The following NUP93 variants were observed in gnomAD, a reference collection of about 807,000 sequenced individuals.
The protein encoded by NUP93 is nuclear pore complex protein Nup93.
NUP93 carries 55 observed loss-of-function variants against 107.8 expected under a neutral mutation model. The ratio of observed to expected loss-of-function variants is 0.51; its 90% CI spans 0.41 to 0.64. The LOEUF (loss-of-function observed/expected upper bound fraction) is 0.64, where lower values mean the gene tolerates loss of function less well. Among genes scored for constraint, NUP93 ranks in the 30% least tolerant of loss-of-function variants. NUP93 has a pLI of 0.00. For synonymous variants in NUP93, 390 were observed against 397.5 expected, an observed-to-expected ratio of 0.98 and a Z score of 0.22; for missense variants, 937 against 1,044.7, an observed-to-expected ratio of 0.90 and a Z score of 1.42.
intron 1 of NUP93, among the ~76,000 whole-genome samples, chr16:56,736,908 C>A (rs1961623795): frequency 6.6e-6 from 1 of 152,182 alleles, no homozygotes; most frequent in Non-Finnish European, 1.5e-5. Context: ...ACAAGGGAAT[C>A]AAATGAAAAG....
At chr16:56,817,075 G>A (rs532525250) in intron 5 of NUP93, among the ~76,000 whole-genome samples, 1 of 152,278 alleles carries the variant, frequency 6.6e-6, no homozygotes, top group East Asian at 1.9e-4. Flanking sequence ...TGATCATTGT[G>A]CCAGCCAGCA....
chr16:56,734,869 T>G (rs796991200), intron 1 of NUP93, among the ~76,000 whole-genome samples: 4 of 152,334 alleles, frequency 2.6e-5, no homozygotes, highest in African/African-American at 9.6e-5. Context: ...GATGCTAGAA[T>G]ACGGCCTTCC....
chr16:56,842,555 C>CT (rs5817078), intron 21 of NUP93: 5,221 of 414,624 alleles, frequency 0.013, 3 homozygotes, highest in Non-Finnish European at 0.014. Flanking sequence ...ATGGTGTTTG[C>CT]TTTTTTTTTT....
chr16:56,759,445 TC>T (rs1190157004), intron 3 of NUP93, among the ~76,000 whole-genome samples: 1 of 152,194 alleles, frequency 6.6e-6, no homozygotes, highest in Non-Finnish European at 1.5e-5. Flanking sequence ...CTAGTAACCT[TC>T]CTAAGAACCA....
At chr16:56,840,107 A>G (rs761597227) in intron 20 of NUP93, among the ~76,000 whole-genome samples, 17 of 151,762 alleles carry the variant, frequency 1.1e-4, no homozygotes, top group Non-Finnish European at 2.5e-4. Flanking sequence ...TGCAAGCTCT[A>G]CCTCCCGGGT....
rs7184646 is a variant in NUP93, at chr16:56,835,902, G to T, written c.1783-699G>T. Among the ~76,000 whole-genome samples, 719 of 152,242 alleles carry T rather than the reference G, an allele frequency of 4.7e-3. 10 individuals carry two copies. The highest frequency in any genetic ancestry group is 0.016 in the African/African-American group (683 of 41,532). On this transcript the variant is annotated intron_variant, in intron 16 of 21. Coordinates refer to ENST00000308159, the MANE Select transcript of NUP93 (RefSeq NM_014669.5). The stretch of plus-strand genomic sequence containing the variant: ...CCAGCACTTTGGGAGGCCGAGGCGG[G>T]TGGATCATGAGGTCAGGAGATCGAG...
intron 10 of NUP93, among the ~76,000 whole-genome samples, chr16:56,831,229 CTCAT>C (rs1963779189): frequency 6.6e-6 from 1 of 152,168 alleles, no homozygotes; most frequent in Non-Finnish European, 1.5e-5. Flanking sequence ...TGGACTTAAG[CTCAT>C]ACTCAAACTG....
intron 3 of NUP93, among the ~76,000 whole-genome samples, chr16:56,791,697 C>T (rs907846716): frequency 6.6e-6 from 1 of 152,210 alleles, no homozygotes; most frequent in Non-Finnish European, 1.5e-5. Flanking sequence ...TGTGACTACA[C>T]GTTCCTTAGG....
At chr16:56,826,698 G>A (rs1376566026) in intron 8 of NUP93, among the ~76,000 whole-genome samples, 3 of 152,004 alleles carry the variant, frequency 2.0e-5, no homozygotes, top group African/African-American at 7.2e-5. Context: ...TTACCTTGTT[G>A]TATTTCTTTT....
At chr16:56,770,859 C>T (rs555800259) in intron 3 of NUP93, among the ~76,000 whole-genome samples, 2 of 151,426 alleles carry the variant, frequency 1.3e-5, no homozygotes, top group African/African-American at 2.4e-5. Flanking sequence ...GTGAGGAGAT[C>T]GAGACCATCC....
At chr16:56,832,211 C>A in intron 11 of NUP93, 84 bp from the exon 12 acceptor site, 1 of 1,292,090 alleles carries the variant, frequency 7.7e-7, no homozygotes, top group South Asian at 1.2e-5. Context: ...CATCATTGAG[C>A]ATGGCTGCTG....
intron 1 of NUP93, among the ~76,000 whole-genome samples, chr16:56,739,553 G>T (rs1961674755): frequency 1.7e-5 from 2 of 114,330 alleles, no homozygotes; most frequent in African/African-American, 3.5e-5. Context: ...CTCCCGGACG[G>T]GGCGGCTGGC....
Position 56,830,555 on chromosome 16 carries a change from T to C in NUP93, c.955T>C (p.Trp319Arg), listed in dbSNP as rs780427720. ...QDGEVEGHPV[W>R]ALIYYCMRCG... is the part of the protein sequence containing the mutation. The stretch of plus-strand genomic sequence containing the variant: ...TGGAGAGGTGGAAGGCCATCCTGTG[T>C]GGGCGCTAATTTACTACTGCATGCG... Residue 319 changes from tryptophan to arginine, a missense_variant, in exon 10 of 22, where the codon TGG becomes CGG. Transcript: ENST00000308159. 6 of 1,595,678 alleles carry C rather than the reference T, an allele frequency of 3.8e-6. No homozygotes were observed. The highest frequency in any genetic ancestry group is 5.1e-6 in the Non-Finnish European group (6 of 1,165,210).
chr16:56,835,922 A>G (rs1011207728), intron 16 of NUP93, among the ~76,000 whole-genome samples: 8 of 152,002 alleles, frequency 5.3e-5, no homozygotes, highest in Non-Finnish European at 1.0e-4. Context: ...AGGTCAGGAG[A>G]TCGAGACCAT....
intron 3 of NUP93, among the ~76,000 whole-genome samples, chr16:56,764,445 G>A (rs770766795): frequency 6.6e-6 from 1 of 152,116 alleles, no homozygotes; most frequent in Non-Finnish European, 1.5e-5. Flanking sequence ...AGCTGAGATG[G>A]CACCACAGCA....
intron 3 of NUP93, among the ~76,000 whole-genome samples, chr16:56,774,908 T>TG (rs1393858748): frequency 1.6e-4 from 25 of 151,770 alleles, no homozygotes; most frequent in South Asian, 6.2e-4. Context: ...TTTTTGTTTT[T>TG]TTTTTTTTTG....
chr16:56,755,648 G>A lies in NUP93; in HGVS notation c.180-2890G>A, dbSNP rs1028213691. Among the ~76,000 whole-genome samples the A allele has an allele frequency of 3.3e-5, 5 of 152,226 alleles. No homozygotes were observed. In the South Asian group the frequency reaches 1.0e-3, roughly 32 times the overall value. The stretch of plus-strand genomic sequence containing the variant: ...CCCAGCACTTTGGGAGGCTAAGGTG[G>A]GTGGATCATTTGAGCCTGGAGTTCA... On this transcript the variant is annotated intron_variant, in intron 2 of 21. Coordinates refer to ENST00000308159, the MANE Select transcript of NUP93 (RefSeq NM_014669.5).
At chr16:56,756,175 G>A (rs989776837) in intron 2 of NUP93, among the ~76,000 whole-genome samples, 3 of 151,424 alleles carry the variant, frequency 2.0e-5, no homozygotes, top group Admixed American at 6.6e-5. Context: ...TGTGCAGAAT[G>A]TCCGGGTTTG....
At chr16:56,836,522 A>C in intron 16 of NUP93, 79 bp from the exon 17 acceptor site, 6 of 828,902 alleles carry the variant, frequency 7.2e-6, no homozygotes, top group Non-Finnish European at 1.2e-5. Context: ...TTTGGATCCT[A>C]ATTGCTTCTC....
Sources: allele counts gnomAD v4.1 joint callset (sites outside exome capture counted in the v4.1 genomes callset), GRCh38; gene constraint gnomAD v4.1.1; transcripts MANE v1.5; gene names NCBI Gene and HGNC (gene_info 2026-07-23, HGNC 2026-07-21).